ZNF202: variants seen among roughly 807,000 people sequenced by gnomAD.
ZNF202 encodes zinc finger protein 202.
ZNF202 carries 22 observed loss-of-function variants against 54.5 expected under a neutral mutation model. That is an observed-to-expected ratio of 0.40 (90% confidence interval 0.29 to 0.58). ZNF202 has a LOEUF of 0.58. Ranked by LOEUF, ZNF202 falls within the 20% of genes least tolerant of loss-of-function variation. ZNF202 has a pLI of 0.39. For synonymous variants in ZNF202, 294 were observed against 301.4 expected, an observed-to-expected ratio of 0.98 and a Z score of 0.26; for missense variants, 644 against 805.5, an observed-to-expected ratio of 0.80 and a Z score of 2.43.
chr11:123,734,593 C>T (rs181685969), intron 3 of ZNF202, among the ~76,000 whole-genome samples: 102 of 152,300 alleles, frequency 6.7e-4, no homozygotes, highest in Non-Finnish European at 3.7e-4. Flanking sequence ...ACTTGTATCT[C>T]CCCCTATCAC....
chr11:123,737,706 T>C (rs951752904), intron 3 of ZNF202, among the ~76,000 whole-genome samples: 11 of 152,116 alleles, frequency 7.2e-5, no homozygotes, highest in African/African-American at 2.4e-4. Context: ...TTGATGGTTA[T>C]ATATGGCAGG....
Position 123,733,728 on chromosome 11 carries a change from GT to G in ZNF202, c.-97-2744del, listed in dbSNP as rs376798033. Among the ~76,000 whole-genome samples, 321 of 152,252 alleles carry G rather than the reference GT, an allele frequency of 2.1e-3. 2 individuals are homozygous for G. The highest frequency in any genetic ancestry group is 0.01 in the Middle Eastern group (3 of 292). On this transcript the variant is annotated intron_variant, in intron 3 of 8. Coordinates refer to ENST00000530393, the MANE Select transcript of ZNF202 (RefSeq NM_003455.4). ...TGAGCCACCATGCCTGGCCAAATCA[GT>G]TTTTATGTTAATTTCTCAGGGTGTT...
rs139766151 is a variant in ZNF202, at chr11:123,725,916, C to T, written c.*81G>A. On this transcript the variant is annotated 3_prime_UTR_variant, in exon 9 of 9. Coordinates refer to ENST00000530393, the MANE Select transcript of ZNF202 (RefSeq NM_003455.4). ...GGAGACTCCCTCGAAAAGGTCTTCC[C>T]AGGCTGACAAGAGGGCTTTTCCTCT... 172 of 1,497,326 alleles carry T rather than the reference C, an allele frequency of 1.1e-4. 2 individuals are homozygous for T. The Middle Eastern group carries it at 1.9e-3, about 16-fold the overall frequency. 92.8% of individuals were successfully genotyped at this position (1,497,326 alleles called of 1,614,324 possible). A position where few individuals can be genotyped will look rare whatever the true frequency, so the allele number is the denominator to read the frequency against.
At chr11:123,727,365 G>T in intron 8 of ZNF202, 111 bp downstream of exon 8, 2 of 1,454,224 alleles carry the variant, frequency 1.4e-6, no homozygotes, top group Non-Finnish European at 1.9e-6. Context: ...AAGCAGTACT[G>T]GCTGACATGT....
rs1861376239 is a variant in ZNF202 at position 123,730,861 on chromosome 11, G to C, written c.28C>G (p.Gln10Glu). Reference protein sequence around the residue: MATAVEPEDQDLWEEEGILM... With the variant: MATAVEPEDEDLWEEEGILM... ...ATTCCCTCTTCTTCCCAAAGATCCTGGTCCTCTGGTTCCACGGCTGTAGCC... is the reference window on the plus strand; with the variant it reads ...ATTCCCTCTTCTTCCCAAAGATCCTCGTCCTCTGGTTCCACGGCTGTAGCC... Residue 10 changes from glutamine to glutamate, a missense_variant, in exon 4 of 9, where the codon CAG (glutamine) becomes GAG (glutamate). Transcript: ENST00000530393. The surrounding 1 kb of genome is among the most constrained non-coding windows in gnomAD (Gnocchi z 6.0). The C allele has an allele frequency of 1.2e-6, 2 of 1,613,962 alleles. No homozygotes were observed. The highest frequency in any genetic ancestry group is 1.3e-5 in the African/African-American group (1 of 74,928).
intron 3 of ZNF202, among the ~76,000 whole-genome samples, chr11:123,733,053 A>T (rs999702265): frequency 6.6e-6 from 1 of 152,054 alleles, no homozygotes; most frequent in Non-Finnish European, 1.5e-5. Flanking sequence ...ACTTAGTTCA[A>T]CCTCCATGAC....
Position 123,727,458 on chromosome 11 carries a change from G to GT in ZNF202, c.952+17dup, listed in dbSNP as rs1362898846. 2 of 1,613,266 alleles carry GT rather than the reference G, an allele frequency of 1.2e-6. No homozygotes were observed. The highest frequency in any genetic ancestry group is 1.7e-5 in the Admixed American group (1 of 59,976). ...CTGCTGGCTCAGGGTGGGTAACACC[G>GT]TTTTTGTCATTCCTCACCTGTGTAG... On this transcript the variant is annotated intron_variant, in intron 8 of 8. Transcript: ENST00000530393.
intron 3 of ZNF202, among the ~76,000 whole-genome samples, chr11:123,734,615 G>A (rs1333629089): frequency 6.6e-6 from 1 of 152,088 alleles, no homozygotes; most frequent in Non-Finnish European, 1.5e-5. Flanking sequence ...GCATGCACAT[G>A]TGTCTATTTT....
rs184864474 is a variant in ZNF202 at position 123,736,520 on chromosome 11, T to C, written c.-98+3597A>G. On this transcript the variant is annotated intron_variant, in intron 3 of 8. Coordinates refer to ENST00000530393, the MANE Select transcript of ZNF202 (RefSeq NM_003455.4). ...CCTCTCAGTGTTCTAGAATAGAAAT[T>C]GGCTAATAAAAACTGTTAACCGCTC... Among the ~76,000 whole-genome samples the C allele has an allele frequency of 1.1e-3, 172 of 152,358 alleles. 2 individuals are homozygous for C. The highest frequency in any genetic ancestry group is 5.8e-3 in the East Asian group (30 of 5,192).
At position 123,725,629 on chromosome 11, in the gene ZNF202, A is replaced by C. The variant is rs1207545047; in HGVS notation, c.*368T>G. On this transcript the variant is annotated 3_prime_UTR_variant, in exon 9 of 9. Transcript: ENST00000530393. Reference sequence around the variant, plus strand: ...TAAGGGGCTGTCCTTGGCCACTTTCAACTTGAAGCTGTTGAGCAGTCTTTA... The same window carrying C: ...TAAGGGGCTGTCCTTGGCCACTTTCCACTTGAAGCTGTTGAGCAGTCTTTA... 1 of 179,410 alleles carries C rather than the reference A, an allele frequency of 5.6e-6. No individual in the cohort carries two copies. Among genetic ancestry groups the C allele is most frequent in the Non-Finnish European group, 1.2e-5 (1 of 84,316 alleles). 11.1% of individuals were successfully genotyped at this position (179,410 alleles called of 1,614,324 possible). A position where few individuals can be genotyped will look rare whatever the true frequency, so the allele number is the denominator to read the frequency against.
chr11:123,729,463 G>A (rs900258929), intron 5 of ZNF202, 152 bp downstream of exon 5: 34 of 1,019,666 alleles, frequency 3.3e-5, no homozygotes, highest in South Asian at 6.9e-5. Context: ...TCTAGCTGGC[G>A]GTACTGTCTC....
chr11:123,726,616 T>C lies in ZNF202; in HGVS notation c.1328A>G (p.His443Arg), dbSNP rs764788063. 1 of 1,614,188 alleles carries C rather than the reference T, an allele frequency of 6.2e-7. No individual in the cohort carries two copies. Among genetic ancestry groups the C allele is most frequent in the South Asian group, 1.1e-5 (1 of 91,082 alleles). ...SYTRSSHLAR[H>R]QKVHKMNAPY... ...CGCGTTCATCTTGTGAACCTTTTGG[T>C]GCCTGGCAAGATGTGAGCTTCGTGT... The change falls in exon 9 of 9, where the codon CAC (histidine) becomes CGC (arginine). Residue 443 changes from histidine to arginine, a missense_variant. By Grantham distance (29) the His-to-Arg change is conservative. Transcript: ENST00000530393. This position sits in a 1 kb window ranked among gnomAD's most constrained non-coding sequence, Gnocchi z 6.0.
Position 123,726,857 on chromosome 11 carries a change from C to A in ZNF202, c.1087G>T (p.Gly363Cys). The A allele has an allele frequency of 6.2e-7, 1 of 1,614,200 alleles. No homozygotes were observed. The highest frequency in any genetic ancestry group is 8.5e-7 in the Non-Finnish European group (1 of 1,180,030). Residue 363 changes from glycine (G) to cysteine (C), a missense_variant, in exon 9 of 9, where the codon GGT becomes TGT. Gly to Cys is a radical substitution (Grantham distance 159, BLOSUM62 -3). Coordinates refer to ENST00000530393, the MANE Select transcript of ZNF202 (RefSeq NM_003455.4). The surrounding 1 kb of genome is among the most constrained non-coding windows in gnomAD (Gnocchi z 6.0). Reference sequence around the variant, plus strand: ...CCAAATCTTCTTTCATTAAGTCTACCTGGATTGTCCTCAAAGACTATTTCC... The same window carrying A: ...CCAAATCTTCTTTCATTAAGTCTACATGGATTGTCCTCAAAGACTATTTCC... ...DWEIVFEDNP[G>C]RLNERRFGTN...
Position 123,727,466 on chromosome 11 carries a change from C to T in ZNF202, c.952+10G>A. On this transcript the variant is annotated intron_variant, in intron 8 of 8. Coordinates refer to ENST00000530393, the MANE Select transcript of ZNF202 (RefSeq NM_003455.4). ...TCAGGGTGGGTAACACCGTTTTTGT[C>T]ATTCCTCACCTGTGTAGGTAAAACT... The T allele has an allele frequency of 6.2e-7, 1 of 1,613,654 alleles. No individual in the cohort carries two copies. The highest frequency in any genetic ancestry group is 8.5e-7 in the Non-Finnish European group (1 of 1,179,864).
In ZNF202 at chr11:123,730,568, C is replaced by T; in HGVS notation, c.321G>A (p.Arg107=). 6.3e-7 allele frequency: 1 copy of T among 1,598,682 alleles called. No individual in the cohort carries two copies. The highest frequency in any genetic ancestry group is 8.5e-7 in the Non-Finnish European group (1 of 1,172,906). ...CCTCGCCACTTTCTGGCCGTTGGCC[C>T]CGCACCCAGCTCTGTAGTTCTCCAG... ...VLPGELQSWV[R]GQRPESGEEA... The change falls in exon 4 of 9, where the codon CGG becomes CGA. Residue 107 remains arginine (R), a synonymous_variant. Transcript: ENST00000530393. The surrounding 1 kb of genome is among the most constrained non-coding windows in gnomAD (Gnocchi z 6.0).
Position 123,726,163 on chromosome 11 carries a change from C to G in ZNF202, c.1781G>C (p.Arg594Pro). 1 of 1,614,216 alleles carries G rather than the reference C, an allele frequency of 6.2e-7. No homozygotes were observed. The highest frequency in any genetic ancestry group is 8.5e-7 in the Non-Finnish European group (1 of 1,180,036). The change falls in exon 9 of 9, where the codon CGA (arginine) becomes CCA (proline). Residue 594 changes from arginine to proline, a missense_variant. Physicochemically the swap from Arg to Pro is moderately radical, Grantham distance 103 (BLOSUM62 -2). Around this residue, in one of 3 missense-constraint regions of ZNF202, gnomAD observed 536 missense variants for 635.3 expected, o/e 0.84. Transcript: ENST00000530393. This position sits in a 1 kb window ranked among gnomAD's most constrained non-coding sequence, Gnocchi z 6.0. ...GAAGCTCTTCCCACATTCGTTGCAT[C>G]GGCAGGGCCTCACTGAGGCGTGTCC... is the stretch of plus-strand genomic sequence containing the variant. Reference protein sequence around the residue: ...LRGHASVRPCRCNECGKSFSR... With the variant: ...LRGHASVRPCPCNECGKSFSR...
chr11:123,729,161 A>G lies in ZNF202; in HGVS notation c.667T>C (p.Ser223Pro). ...GCAGTAAGAAGAGCAACCATCTCTGAGTCTCCAGAGCTCCTCTCTGCAGGA... is the reference window on the plus strand; with the variant it reads ...GCAGTAAGAAGAGCAACCATCTCTGGGTCTCCAGAGCTCCTCTCTGCAGGA... ...DLPAERSSGD[S>P]EMVALLTALS... The change falls in exon 6 of 9, where the codon TCA becomes CCA. Residue 223 changes from serine (S) to proline (P), a missense_variant. Around this residue, in one of 3 missense-constraint regions of ZNF202, gnomAD observed 536 missense variants for 635.3 expected, o/e 0.84. Coordinates refer to ENST00000530393, the MANE Select transcript of ZNF202 (RefSeq NM_003455.4). The G allele has an allele frequency of 6.2e-7, 1 of 1,614,012 alleles. No homozygotes were observed.
At chr11:123,727,428 AG>A in intron 8 of ZNF202, 47 bp downstream of exon 8, 2 of 1,610,196 alleles carry the variant, frequency 1.2e-6, no homozygotes, top group Non-Finnish European at 8.5e-7. Context: ...CACTGCCTAG[AG>A]GAACTGCTGG....
At chr11:123,728,293 T>G (rs1703060582) in intron 6 of ZNF202, 31 bp from the exon 7 acceptor site, 1 of 1,589,222 alleles carries the variant, frequency 6.3e-7, no homozygotes, top group Non-Finnish European at 8.6e-7. Flanking sequence ...CATCAAAACG[T>G]GATGCTACGG....
Sources: allele counts gnomAD v4.1 joint callset (sites outside exome capture counted in the v4.1 genomes callset), GRCh38; gene constraint gnomAD v4.1.1; regional missense constraint gnomAD v4.1.1; non-coding constraint Gnocchi (gnomAD v3.1); transcripts MANE v1.5; gene names NCBI Gene and HGNC (gene_info 2026-07-23, HGNC 2026-07-21).